The following UNC79 variants were observed in gnomAD, a reference collection of about 807,000 sequenced individuals.
The protein encoded by UNC79 is protein unc-79 homolog.
Under a neutral mutation model 283.1 loss-of-function variants are expected in UNC79, and 37 were observed. The observed-to-expected ratio is 0.13, with a 90% CI of 0.10 to 0.17. The LOEUF is 0.17. UNC79 is among the 10% of genes least tolerant of loss of function. UNC79 has a pLI of 1.00. For missense variants in UNC79, 2,272 were observed against 3,211.1 expected, an observed-to-expected ratio of 0.71 and a Z score of 7.07; for synonymous variants, 1,107 against 1,200.2, an observed-to-expected ratio of 0.92 and a Z score of 1.61.
intron 44 of UNC79, chr14:93,689,055 A>G (rs2074473778): frequency 2.1e-6 from 1 of 487,206 alleles, no homozygotes; most frequent in South Asian, 6.1e-5. Context: ...GTCCTCCCAC[A>G]AAAACCTCAA....
At chr14:93,504,792 T>A (rs2059449628) in intron 7 of UNC79, among the ~76,000 whole-genome samples, 1 of 152,034 alleles carries the variant, frequency 6.6e-6, no homozygotes, top group South Asian at 2.1e-4. Context: ...AATTATATTA[T>A]TGTTGAATAA....
intron 19 of UNC79, among the ~76,000 whole-genome samples, chr14:93,581,445 T>C (rs1040321801): frequency 6.6e-6 from 1 of 151,064 alleles, no homozygotes; most frequent in Admixed American, 6.6e-5. Context: ...AGCACTGGGA[T>C]TACAGGCATG....
At chr14:93,470,925 A>G (rs1411422422) in intron 2 of UNC79, among the ~76,000 whole-genome samples, 2 of 152,156 alleles carry the variant, frequency 1.3e-5, no homozygotes, top group Non-Finnish European at 2.9e-5. Flanking sequence ...TTTACCTGGC[A>G]GGACATTTAA....
intron 2 of UNC79, among the ~76,000 whole-genome samples, chr14:93,469,622 G>A (rs1242762): frequency 0.31 from 46,558 of 151,894 alleles, 7,492 homozygotes; most frequent in East Asian, 0.65. Context: ...TTTAAGTGGA[G>A]ATAATGTTAG....
chr14:93,678,405 G>A (rs1379171297), intron 41 of UNC79, among the ~76,000 whole-genome samples: 1 of 152,142 alleles, frequency 6.6e-6, no homozygotes, highest in Non-Finnish European at 1.5e-5. Context: ...CACCCCATAG[G>A]GAACTGCTGA....
At position 93,496,403 on chromosome 14, in the gene UNC79, C is replaced by T; in HGVS notation, c.713-8C>T. The T allele has an allele frequency of 6.5e-7, 1 of 1,528,634 alleles. No individual in the cohort carries two copies. The highest frequency in any genetic ancestry group is 8.8e-7 in the Non-Finnish European group (1 of 1,139,748). The allele number at this position is 1,528,634 out of a possible 1,614,324, so 94.7% of individuals were successfully genotyped here. A position where few individuals can be genotyped will look rare whatever the true frequency, so the allele number is the denominator to read the frequency against. On this transcript the variant is annotated splice_region_variant and splice_polypyrimidine_tract_variant and intron_variant, in intron 5 of 48. Coordinates refer to ENST00000555664, the Ensembl canonical transcript of UNC79. ...TTTCATGTATGAATTACATTTTCTA[C>T]ATTACAGTGTATCATTGTCAATTAC...
At chr14:93,642,412 A>C (rs1489815804) in intron 33 of UNC79, among the ~76,000 whole-genome samples, 4 of 141,250 alleles carry the variant, frequency 2.8e-5, no homozygotes, top group Non-Finnish European at 6.2e-5. Flanking sequence ...GTGACAGAGC[A>C]AGACTCCATC....
At chr14:93,511,022 C>T (rs763062685) in intron 7 of UNC79, among the ~76,000 whole-genome samples, 4 of 151,986 alleles carry the variant, frequency 2.6e-5, no homozygotes, top group African/African-American at 4.8e-5. Flanking sequence ...TCTGCTTCTG[C>T]GGAGGCCTCA....
chr14:93,445,399 A>G (rs918138151), intron 1 of UNC79, among the ~76,000 whole-genome samples: 1 of 152,182 alleles, frequency 6.6e-6, no homozygotes, highest in Non-Finnish European at 1.5e-5. Flanking sequence ...TTAGGTGGAA[A>G]GCTTTGAGCC....
At chr14:93,592,177 T>TC (rs2064735036) in intron 22 of UNC79, among the ~76,000 whole-genome samples, 1 of 145,718 alleles carries the variant, frequency 6.9e-6, no homozygotes, top group African/African-American at 2.5e-5. Context: ...TTTTCCTTTT[T>TC]TTTTTTTTTT....
chr14:93,462,885 A>G (rs886345181), intron 1 of UNC79, among the ~76,000 whole-genome samples: 8 of 152,178 alleles, frequency 5.3e-5, no homozygotes, highest in African/African-American at 1.9e-4. Context: ...AAGATTCCCA[A>G]GTGGAGAAAT....
chr14:93,337,904 T>C (rs2053613470), intron 1 of UNC79, among the ~76,000 whole-genome samples: 1 of 152,032 alleles, frequency 6.6e-6, no homozygotes, highest in African/African-American at 2.4e-5. Flanking sequence ...CCGCTTGTGG[T>C]ATGTCTGGTC....
intron 43 of UNC79, among the ~76,000 whole-genome samples, chr14:93,686,983 C>G (rs1449763195): frequency 6.6e-6 from 1 of 152,160 alleles, no homozygotes; most frequent in African/African-American, 2.4e-5. Context: ...AGTACTTGCT[C>G]AAGTCACACT....
chr14:93,642,890 T>A (rs939759620), intron 33 of UNC79, among the ~76,000 whole-genome samples: 2 of 152,190 alleles, frequency 1.3e-5, no homozygotes, highest in African/African-American at 2.4e-5. Flanking sequence ...CTGGCTTTGG[T>A]CGTGTTGAAT....
intron 14 of UNC79, among the ~76,000 whole-genome samples, chr14:93,566,018 G>A (rs1289717553): frequency 6.6e-6 from 1 of 152,174 alleles, no homozygotes. Flanking sequence ...GACAGGAGAG[G>A]AGGGAAAGCA....
intron 7 of UNC79, among the ~76,000 whole-genome samples, chr14:93,509,241 T>A (rs752769442): frequency 2.0e-5 from 3 of 152,090 alleles, no homozygotes; most frequent in African/African-American, 7.2e-5. Flanking sequence ...CCTCCAACCA[T>A]GGGAATTACA....
chr14:93,365,684 C>T (rs1445896458), intron 1 of UNC79, among the ~76,000 whole-genome samples: 1 of 151,986 alleles, frequency 6.6e-6, no homozygotes, highest in East Asian at 1.9e-4. Flanking sequence ...AATTAGCTGC[C>T]AGAGTAAGCT....
intron 1 of UNC79, among the ~76,000 whole-genome samples, chr14:93,412,905 G>C (rs1275545343): frequency 6.6e-6 from 1 of 151,912 alleles, no homozygotes; most frequent in Non-Finnish European, 1.5e-5. Context: ...ACTTCAATCA[G>C]AAAAAAATGG....
At chr14:93,608,086 C>T (rs1344475474) in intron 26 of UNC79, among the ~76,000 whole-genome samples, 1 of 152,186 alleles carries the variant, frequency 6.6e-6, no homozygotes, top group Non-Finnish European at 1.5e-5. Flanking sequence ...TCTTGAGCTT[C>T]TGGGCTCAAG....
Sources: allele counts gnomAD v4.1 joint callset (sites outside exome capture counted in the v4.1 genomes callset), GRCh38; gene constraint gnomAD v4.1.1; transcripts MANE v1.5; gene names NCBI Gene and HGNC (gene_info 2026-07-23, HGNC 2026-07-21).